The following PTH2R variants were observed in gnomAD, a reference collection of about 807,000 sequenced individuals.
PTH2R encodes the protein parathyroid hormone 2 receptor.
In PTH2R, 59 loss-of-function variants were observed where a neutral mutation model predicts 60.3. That is an observed-to-expected ratio of 0.98 (90% CI 0.79 to 1.22). The LOEUF (loss-of-function observed/expected upper bound fraction) is 1.22, where lower values mean the gene tolerates loss of function less well. Among genes scored for constraint, PTH2R ranks in the 50% most tolerant of loss-of-function variants. The pLI is 0.00. For synonymous variants in PTH2R, 256 were observed against 243.8 expected (o/e 1.05, Z -0.47); for missense variants, 749 against 682.6 (o/e 1.10, Z -1.08).
chr2:208,368,304 T>A (rs889678632), intron 1 of PTH2R, among the ~76,000 whole-genome samples: 1 of 152,224 alleles, frequency 6.6e-6, no homozygotes, highest in Non-Finnish European at 1.5e-5. Context: ...ATTTCTCATG[T>A]CAACCTAGAT....
chr2:208,491,056 T>C (rs979662352), intron 12 of PTH2R, among the ~76,000 whole-genome samples: 77 of 152,334 alleles, frequency 5.1e-4, no homozygotes, highest in African/African-American at 1.7e-3. Flanking sequence ...ATTTTGATGT[T>C]TTTTGAACTA....
At chr2:208,369,860 T>A (rs1194183748) in intron 1 of PTH2R, among the ~76,000 whole-genome samples, 1 of 152,106 alleles carries the variant, frequency 6.6e-6, no homozygotes, top group Non-Finnish European at 1.5e-5. Context: ...CGCACTTATG[T>A]ATTGCAACCC....
At chr2:208,437,467 A>G in intron 2 of PTH2R, 70 bp from the exon 3 acceptor site, 2 of 1,328,634 alleles carry the variant, frequency 1.5e-6, no homozygotes, top group South Asian at 2.9e-5. Context: ...TTGTTTTTTG[A>G]ATGCATTTGT....
chr2:208,430,365 A>G (rs1444800303), intron 2 of PTH2R, among the ~76,000 whole-genome samples: 1 of 151,922 alleles, frequency 6.6e-6, no homozygotes, highest in Admixed American at 6.6e-5. Context: ...TGTCTGTTGG[A>G]AAATGTCTTT....
Position 208,481,139 on chromosome 2 carries a change from G to A in PTH2R, c.1051G>A (p.Gly351Arg), listed in dbSNP as rs369526846. Reference sequence around the variant, plus strand: ...CAAAATCTGGGAGACCAATGCAGTTGGGCATGACACAAGGAAGCAATACAG... The same window carrying A: ...CAAAATCTGGGAGACCAATGCAGTTAGGCATGACACAAGGAAGCAATACAG... ...ATKIWETNAVGHDTRKQYRKL... is the reference protein window; with the variant it reads ...ATKIWETNAVRHDTRKQYRKL... The change falls in exon 10 of 13, where the codon GGG (glycine) becomes AGG (arginine). Residue 351 changes from glycine to arginine, a missense_variant. By Grantham distance (125) the Gly-to-Arg change is moderately radical. Coordinates refer to ENST00000272847, the MANE Select transcript of PTH2R (RefSeq NM_005048.4). 57 of 1,610,026 alleles carry A rather than the reference G, an allele frequency of 3.5e-5. No homozygotes were observed. The highest frequency in any genetic ancestry group is 4.8e-5 in the Non-Finnish European group (57 of 1,176,746).
intron 10 of PTH2R, among the ~76,000 whole-genome samples, chr2:208,488,258 C>T (rs1189295083): frequency 1.3e-5 from 2 of 152,158 alleles, no homozygotes; most frequent in Non-Finnish European, 2.9e-5. Flanking sequence ...TCAAGATGAA[C>T]TGACCACATA....
At chr2:208,491,574 G>A (rs745900512) in intron 12 of PTH2R, among the ~76,000 whole-genome samples, 4 of 152,040 alleles carry the variant, frequency 2.6e-5, no homozygotes, top group Non-Finnish European at 5.9e-5. Context: ...CACAGGCTTG[G>A]ACTGCTTCTG....
chr2:208,416,632 G>A (rs1185703732), intron 1 of PTH2R, among the ~76,000 whole-genome samples: 1 of 152,212 alleles, frequency 6.6e-6, no homozygotes, highest in South Asian at 2.1e-4. Flanking sequence ...AGTATACAAA[G>A]TATTGATCCT....
chr2:208,427,427 TTG>T (rs1213071973), intron 1 of PTH2R, among the ~76,000 whole-genome samples: 33 of 152,220 alleles, frequency 2.2e-4, no homozygotes, highest in Non-Finnish European at 3.8e-4. Context: ...TTGTATTATA[TTG>T]ATAGATAAAT....
At chr2:208,481,395 G>A (rs530619479) in intron 10 of PTH2R, among the ~76,000 whole-genome samples, 24 of 152,152 alleles carry the variant, frequency 1.6e-4, no homozygotes, top group African/African-American at 3.9e-4. Context: ...ATTTTTAGTA[G>A]AGATGAGGTT....
intron 1 of PTH2R, among the ~76,000 whole-genome samples, chr2:208,387,447 C>A (rs1166671979): frequency 6.6e-6 from 1 of 152,172 alleles, no homozygotes; most frequent in Non-Finnish European, 1.5e-5. Flanking sequence ...AAAAGACACA[C>A]TCTCCTAAAT....
chr2:208,387,413 A>C (rs1219918484), intron 1 of PTH2R, among the ~76,000 whole-genome samples: 3 of 152,228 alleles, frequency 2.0e-5, no homozygotes, highest in African/African-American at 7.2e-5. Context: ...ACAGGCAGTT[A>C]CTGACTTAGA....
At chr2:208,473,884 TA>T (rs1057303911) in intron 9 of PTH2R, among the ~76,000 whole-genome samples, 5 of 152,194 alleles carry the variant, frequency 3.3e-5, no homozygotes, top group African/African-American at 1.2e-4. Context: ...TAACTGACAA[TA>T]CCGGCACACA....
At chr2:208,379,587 C>T (rs995980925) in intron 1 of PTH2R, among the ~76,000 whole-genome samples, 2 of 152,052 alleles carry the variant, frequency 1.3e-5, no homozygotes, top group African/African-American at 2.4e-5. Context: ...GGCTCTGGCA[C>T]GGTGGCTCAT....
chr2:208,460,625 G>GA (rs1702615272), intron 9 of PTH2R, among the ~76,000 whole-genome samples: 2 of 152,034 alleles, frequency 1.3e-5, no homozygotes, highest in Non-Finnish European at 1.5e-5. Context: ...TGTTGCAAAG[G>GA]AAAACAAAAC....
chr2:208,406,245 T>TA (rs925708601), upstream of PTH2R, among the ~76,000 whole-genome samples: 9 of 150,766 alleles, frequency 6.0e-5, no homozygotes, highest in South Asian at 2.1e-4. Flanking sequence ...AAAAATAAAC[T>TA]AAAAAAAAAG....
intron 7 of PTH2R, among the ~76,000 whole-genome samples, chr2:208,446,357 A>G (rs1279228205): frequency 6.6e-6 from 1 of 152,230 alleles, no homozygotes; most frequent in African/African-American, 2.4e-5. Context: ...GTGAGCTTCT[A>G]TGCAAGTATG....
chr2:208,432,211 A>T (rs1332672840), intron 2 of PTH2R, among the ~76,000 whole-genome samples: 1 of 152,254 alleles, frequency 6.6e-6, no homozygotes, highest in Admixed American at 6.5e-5. Context: ...CAACATTATC[A>T]TCGTCAGTGT....
intron 9 of PTH2R, among the ~76,000 whole-genome samples, chr2:208,470,279 C>A (rs989253583): frequency 6.6e-6 from 1 of 152,196 alleles, no homozygotes; most frequent in Non-Finnish European, 1.5e-5. Flanking sequence ...GTGTTACTCT[C>A]CCCATTCACC....
Sources: gnomAD v4.1 joint callset for allele counts (sites outside exome capture counted in the v4.1 genomes callset) on GRCh38, gnomAD v4.1.1 for gene constraint, MANE v1.5 for transcripts, NCBI Gene and HGNC (gene_info 2026-07-23, HGNC 2026-07-21) for gene names.